The following GNAO1 variants were observed in gnomAD, a reference collection of about 807,000 sequenced individuals.
GNAO1 encodes the protein guanine nucleotide-binding protein G(o) subunit alpha.
For synonymous variants in GNAO1, 164 were observed against 180.7 expected, an observed-to-expected ratio of 0.91 and a Z score of 0.74; for missense variants, 166 against 478.7, an observed-to-expected ratio of 0.35 and a Z score of 6.10.
At chr16:56,272,625 G>A (rs1034048293) in intron 2 of GNAO1, among the ~76,000 whole-genome samples, 3 of 152,220 alleles carry the variant, frequency 2.0e-5, no homozygotes, top group East Asian at 1.9e-4. Context: ...TGTGAGCTTG[G>A]AGACCTGTAT....
At chr16:56,290,383 C>T (rs1050041413) in intron 3 of GNAO1, among the ~76,000 whole-genome samples, 2 of 152,222 alleles carry the variant, frequency 1.3e-5, no homozygotes, top group African/African-American at 4.8e-5. Context: ...GTGCCTGGCC[C>T]AGAATTGGTG....
intron 2 of GNAO1, among the ~76,000 whole-genome samples, chr16:56,211,325 G>A (rs566015909): frequency 1.7e-4 from 26 of 152,296 alleles, no homozygotes; most frequent in African/African-American, 5.1e-4. Context: ...AACAGTCTAC[G>A]GTTGGAGGAG....
At chr16:56,225,806 C>A (rs914694098) in intron 2 of GNAO1, among the ~76,000 whole-genome samples, 2 of 152,042 alleles carry the variant, frequency 1.3e-5, no homozygotes, top group Non-Finnish European at 2.9e-5. Context: ...ACAAAGTTAA[C>A]TAAATGAGAT....
intron 2 of GNAO1, among the ~76,000 whole-genome samples, chr16:56,196,873 A>C (rs2036237876): frequency 6.6e-6 from 1 of 152,236 alleles, no homozygotes; most frequent in African/African-American, 2.4e-5. Flanking sequence ...CAAATATTCC[A>C]GCCTGACAAG....
chr16:56,299,063 A>T (rs892456679), intron 3 of GNAO1, among the ~76,000 whole-genome samples: 1 of 152,192 alleles, frequency 6.6e-6, no homozygotes, highest in Non-Finnish European at 1.5e-5. Context: ...TAAAATGATT[A>T]ACCTCATTTT....
chr16:56,275,211 G>A (rs1241975658), intron 2 of GNAO1, among the ~76,000 whole-genome samples: 2 of 152,190 alleles, frequency 1.3e-5, no homozygotes, highest in Admixed American at 6.5e-5. Context: ...TGGTTTTGGC[G>A]TGAGCCCCTC....
intron 6 of GNAO1, chr16:56,340,903 A>G (rs202041900): frequency 1.2e-5 from 19 of 1,613,666 alleles, no homozygotes; most frequent in Admixed American, 5.0e-5. Flanking sequence ...AGACACGTCC[A>G]TCATCCTGTT....
At chr16:56,287,704 C>G (rs1480558687) in intron 3 of GNAO1, among the ~76,000 whole-genome samples, 1 of 152,180 alleles carries the variant, frequency 6.6e-6, no homozygotes, top group African/African-American at 2.4e-5. Flanking sequence ...GTCATCCCCT[C>G]CCAGAATCAG....
chr16:56,289,788 A>G (rs1175064343), intron 3 of GNAO1, among the ~76,000 whole-genome samples: 2 of 152,150 alleles, frequency 1.3e-5, no homozygotes, highest in East Asian at 1.9e-4. Context: ...CCTCAAACCC[A>G]GAGCACATAA....
chr16:56,237,049 A>G (rs1244573851), intron 2 of GNAO1, among the ~76,000 whole-genome samples: 1 of 152,218 alleles, frequency 6.6e-6, no homozygotes, highest in South Asian at 2.1e-4. Flanking sequence ...TTTTGTGAGG[A>G]TTAAGTGGAA....
At chr16:56,305,257 A>T (rs556212089) in intron 3 of GNAO1, among the ~76,000 whole-genome samples, 2 of 152,230 alleles carry the variant, frequency 1.3e-5, no homozygotes, top group East Asian at 3.8e-4. Flanking sequence ...AATGAAGCAG[A>T]TGTAGGCCCT....
intron 2 of GNAO1, among the ~76,000 whole-genome samples, chr16:56,233,331 T>C (rs796897874): frequency 1.2e-4 from 19 of 152,326 alleles, no homozygotes; most frequent in African/African-American, 4.6e-4. Context: ...TAGTAGGTGC[T>C]TAGTAAAGTT....
At chr16:56,237,577 G>A (rs1447137268) in intron 2 of GNAO1, among the ~76,000 whole-genome samples, 1 of 152,086 alleles carries the variant, frequency 6.6e-6, no homozygotes, top group African/African-American at 2.4e-5. Flanking sequence ...AAACACAGCC[G>A]GTCCATTTCC....
At chr16:56,242,036 ACT>A (rs1161351266) in intron 2 of GNAO1, among the ~76,000 whole-genome samples, 2 of 151,790 alleles carry the variant, frequency 1.3e-5, no homozygotes, top group African/African-American at 4.8e-5. Flanking sequence ...CATTCATCCC[ACT>A]CTCCTGCCAG....
At position 56,336,809 on chromosome 16, in the gene GNAO1, C is replaced by T; in HGVS notation, c.672C>T (p.Phe224=). The T allele has an allele frequency of 6.2e-7, 1 of 1,613,722 alleles. No individual in the cohort carries two copies. ...HCFEDVTAII[F]CVALSGYDQV... is the part of the protein sequence containing the mutation. ...TCGAGGACGTCACGGCCATCATTTT[C>T]TGTGTCGCGCTCAGCGGCTATGACC... The change falls in exon 6 of 9, where the codon TTC becomes TTT. Residue 224 remains phenylalanine (F), a synonymous_variant. Transcript: ENST00000262493.
intron 2 of GNAO1, among the ~76,000 whole-genome samples, chr16:56,204,087 G>A (rs1473882078): frequency 6.6e-6 from 1 of 152,178 alleles, no homozygotes; most frequent in African/African-American, 2.4e-5. Flanking sequence ...TTGGAGGCAG[G>A]AGAGATGACC....
Position 56,214,273 on chromosome 16 carries a change from T to C in GNAO1, c.161+21657T>C, listed in dbSNP as rs188392446. 7.2e-5 allele frequency among the ~76,000 whole-genome samples: 11 copies of C among 152,254 alleles called. No homozygotes were observed. The East Asian group carries it at 1.4e-3, about 19-fold the overall frequency. Reference sequence around the variant, plus strand: ...CTCCCATATCAGCATTACCAGACCATGAGCACTGAGGCTGTCACAGGACAA... The same window carrying C: ...CTCCCATATCAGCATTACCAGACCACGAGCACTGAGGCTGTCACAGGACAA... On this transcript the variant is annotated intron_variant, in intron 2 of 8. Transcript: ENST00000262493.
intron 3 of GNAO1, among the ~76,000 whole-genome samples, chr16:56,281,403 A>G (rs1349341622): frequency 6.6e-6 from 1 of 151,794 alleles, no homozygotes; most frequent in Admixed American, 6.6e-5. Flanking sequence ...TGGGTTCTCC[A>G]TGGACCCTCT....
chr16:56,197,847 C>T (rs915887901), intron 2 of GNAO1, among the ~76,000 whole-genome samples: 4 of 152,150 alleles, frequency 2.6e-5, no homozygotes, highest in African/African-American at 9.7e-5. Flanking sequence ...TCTCCGTTAA[C>T]ACTGGAGATT....
Sources: gnomAD v4.1 joint callset for allele counts (sites outside exome capture counted in the v4.1 genomes callset) on GRCh38, gnomAD v4.1.1 for gene constraint, MANE v1.5 for transcripts, NCBI Gene and HGNC (gene_info 2026-07-23, HGNC 2026-07-21) for gene names.